Variants in LIPC observed in about 807,000 individuals in gnomAD.
The protein encoded by LIPC is hepatic triacylglycerol lipase.
A neutral mutation model predicts 50.7 loss-of-function variants in LIPC; 44 were observed. The observed-to-expected ratio is 0.87, with a 90% CI of 0.68 to 1.11. The LOEUF (loss-of-function observed/expected upper bound fraction) is 1.11. LIPC is among the 50% of genes most tolerant of loss of function. The pLI is 0.00. For synonymous variants in LIPC, 271 were observed against 256.4 expected, an observed-to-expected ratio of 1.06 and a Z score of -0.54; for missense variants, 697 against 648.2, an observed-to-expected ratio of 1.08 and a Z score of -0.82.
intron 1 of LIPC, chr15:58,533,282 T>C: frequency 3.7e-6 from 2 of 538,614 alleles, no homozygotes; most frequent in East Asian, 1.5e-4. Context: ...CAGCTTATCA[T>C]AGAGTGGCCA....
intron 1 of LIPC, among the ~76,000 whole-genome samples, chr15:58,535,693 C>T (rs938066779): frequency 2.6e-5 from 4 of 152,214 alleles, no homozygotes; most frequent in Admixed American, 6.5e-5. Flanking sequence ...TCTAACAACG[C>T]TCTCTTCTCT....
At chr15:58,436,644 G>T (rs1396453674) in intron 1 of LIPC, 5 of 447,526 alleles carry the variant, frequency 1.1e-5, no homozygotes, top group African/African-American at 2.0e-5. Flanking sequence ...AATACATGAG[G>T]TATACCACTG....
chr15:58,548,295 A>G, intron 5 of LIPC, 35 bp from the exon 6 acceptor site: 1 of 1,613,656 alleles, frequency 6.2e-7, no homozygotes, highest in Non-Finnish European at 8.5e-7. Context: ...CTTTGGGTTA[A>G]GGGGTGATAA....
intron 1 of LIPC, among the ~76,000 whole-genome samples, chr15:58,442,404 G>A (rs1358230783): frequency 1.3e-5 from 2 of 152,188 alleles, no homozygotes; most frequent in East Asian, 3.8e-4. Context: ...GATTCTGTAA[G>A]AACAGCCCAC....
intron 1 of LIPC, among the ~76,000 whole-genome samples, chr15:58,497,198 A>C (rs1260962042): frequency 6.6e-6 from 1 of 152,166 alleles, no homozygotes; most frequent in Non-Finnish European, 1.5e-5. Flanking sequence ...CAGTAAATCC[A>C]AATCTTTAAA....
intron 2 of LIPC, among the ~76,000 whole-genome samples, chr15:58,539,131 G>C (rs950231168): frequency 1.5e-4 from 23 of 152,184 alleles, no homozygotes; most frequent in African/African-American, 5.5e-4. Context: ...TAGAGGACTA[G>C]CCATCACATC....
intron 8 of LIPC, among the ~76,000 whole-genome samples, chr15:58,567,279 GTGTA>G (rs1490410445): frequency 6.9e-5 from 5 of 71,968 alleles, no homozygotes; most frequent in African/African-American, 2.7e-4. Flanking sequence ...GTGTGTGTGT[GTGTA>G]TATATATATA....
chr15:58,438,829 T>C (rs1202029094), intron 1 of LIPC, among the ~76,000 whole-genome samples: 11 of 152,224 alleles, frequency 7.2e-5, no homozygotes, highest in African/African-American at 2.7e-4. Flanking sequence ...GATGAGGCTG[T>C]TGGCTAACTT....
chr15:58,548,192 G>T (rs546100913), intron 5 of LIPC, 138 bp from the exon 6 acceptor site: 167 of 1,061,382 alleles, frequency 1.6e-4, no homozygotes, highest in Admixed American at 9.0e-4. Context: ...TTGTCAAGGG[G>T]TCTGCCTTGA....
chr15:58,434,197 C>A (rs1283060873), intron 1 of LIPC, among the ~76,000 whole-genome samples: 1 of 151,918 alleles, frequency 6.6e-6, no homozygotes, highest in Non-Finnish European at 1.5e-5. Flanking sequence ...AATTGTCTGG[C>A]CCAAAACATT....
chr15:58,541,825 C>G lies in LIPC; in HGVS notation c.314C>G (p.Ala105Gly). ...GAAAACTGGATCTGGCAGATGGTGG[C>G]CGCGCTGAAGTCTCAGCCGGCCCAG... is the stretch of plus-strand genomic sequence containing the variant. ...VLENWIWQMV[A>G]ALKSQPAQPV... is the part of the protein sequence containing the mutation. The change falls in exon 3 of 9, where the codon GCC becomes GGC. Residue 105 changes from alanine (A) to glycine (G), a missense_variant. Physicochemically the swap from Ala to Gly is moderately conservative, Grantham distance 60 (BLOSUM62 0). Transcript: ENST00000299022. The G allele has an allele frequency of 6.2e-7, 1 of 1,613,358 alleles. No individual in the cohort carries two copies. The highest frequency in any genetic ancestry group is 8.5e-7 in the Non-Finnish European group (1 of 1,179,918).
At chr15:58,549,305 T>C (rs368430163) in intron 6 of LIPC, among the ~76,000 whole-genome samples, 1 of 152,364 alleles carries the variant, frequency 6.6e-6, no homozygotes, top group Non-Finnish European at 1.5e-5. Context: ...CTTTAGCATC[T>C]CACTGTTTCA....
chr15:58,497,531 C>T (rs1281545675), intron 1 of LIPC, among the ~76,000 whole-genome samples: 1 of 152,062 alleles, frequency 6.6e-6, no homozygotes, highest in Non-Finnish European at 1.5e-5. Flanking sequence ...TGCCTTGAAA[C>T]CGTCAGATGG....
chr15:58,467,746 G>T (rs930191078), intron 1 of LIPC, among the ~76,000 whole-genome samples: 13 of 152,170 alleles, frequency 8.5e-5, no homozygotes, highest in Non-Finnish European at 1.5e-4. Context: ...ATCTGAATTG[G>T]TATTTGCTCA....
At chr15:58,491,617 G>A (rs1891589492) in intron 1 of LIPC, among the ~76,000 whole-genome samples, 1 of 152,216 alleles carries the variant, frequency 6.6e-6, no homozygotes, top group African/African-American at 2.4e-5. Flanking sequence ...GGTGCCAGGT[G>A]CTGGGCAAGG....
intron 1 of LIPC, among the ~76,000 whole-genome samples, chr15:58,488,424 G>C (rs1450308297): frequency 7.2e-5 from 11 of 152,200 alleles, no homozygotes; most frequent in African/African-American, 2.7e-4. Context: ...ATCAATCCCT[G>C]TTAGGCACTA....
intron 1 of LIPC, among the ~76,000 whole-genome samples, chr15:58,485,874 G>T (rs1383697180): frequency 6.6e-6 from 1 of 152,198 alleles, no homozygotes; most frequent in Non-Finnish European, 1.5e-5. Flanking sequence ...AGAACAATGA[G>T]AACTTCTGGA....
At chr15:58,526,966 G>T (rs1012899662) in intron 1 of LIPC, among the ~76,000 whole-genome samples, 1 of 152,076 alleles carries the variant, frequency 6.6e-6, no homozygotes, top group Non-Finnish European at 1.5e-5. Flanking sequence ...GCCAGTGCCC[G>T]CCCCACTGGC....
chr15:58,448,136 A>G (rs2140663683), intron 1 of LIPC, among the ~76,000 whole-genome samples: 2 of 152,334 alleles, frequency 1.3e-5, no homozygotes, highest in Middle Eastern at 6.8e-3. Flanking sequence ...GCACACTAGC[A>G]AACTTCAGCC....
Sources: gnomAD v4.1 joint callset for allele counts (sites outside exome capture counted in the v4.1 genomes callset) on GRCh38, gnomAD v4.1.1 for gene constraint, MANE v1.5 for transcripts, NCBI Gene and HGNC (gene_info 2026-07-23, HGNC 2026-07-21) for gene names.